The following SNX25 variants were observed in gnomAD, a reference collection of about 807,000 sequenced individuals.
SNX25 encodes the protein sorting nexin-25.
In SNX25, 62 loss-of-function variants were observed where a neutral mutation model predicts 113.7. The observed-to-expected ratio is 0.55, with a 90% CI of 0.44 to 0.67. The LOEUF (loss-of-function observed/expected upper bound fraction) is 0.67, where lower values mean the gene tolerates loss of function less well. Ranked by LOEUF, SNX25 falls within the 30% of genes least tolerant of loss-of-function variation. The probability of loss-of-function intolerance (pLI) is 0.00; values close to 1 mark genes in which losing one functional copy is unlikely to be tolerated. For synonymous variants in SNX25, 421 were observed against 436.2 expected, an observed-to-expected ratio of 0.97 and a Z score of 0.43; for missense variants, 1,014 against 1,161.0, an observed-to-expected ratio of 0.87 and a Z score of 1.84.
chr4:185,205,275 G>A (rs543406270), upstream of SNX25, among the ~76,000 whole-genome samples: 3 of 152,280 alleles, frequency 2.0e-5, no homozygotes, highest in Admixed American at 2.0e-4. Flanking sequence ...CTAATATGGT[G>A]AAACACTGTC....
chr4:185,377,857 T>C, the SNX25 span: 2 of 451,934 alleles, frequency 4.4e-6, no homozygotes, highest in Admixed American at 3.9e-5. Flanking sequence ...CCTTAAGTCC[T>C]GAGAGTAAAA....
chr4:185,260,444 T>A (rs547992255), intron 3 of SNX25, among the ~76,000 whole-genome samples: 1 of 152,272 alleles, frequency 6.6e-6, no homozygotes, highest in African/African-American at 2.4e-5. Context: ...TTATACCAGA[T>A]TGGAGCTTGA....
Position 185,210,050 on chromosome 4 carries a change from G to C in SNX25, c.224G>C (p.Gly75Ala). The C allele has an allele frequency of 1.2e-5, 12 of 984,044 alleles. No individual in the cohort carries two copies. The highest frequency in any genetic ancestry group is 1.4e-5 in the Non-Finnish European group (12 of 829,462). The allele number at this position is 984,044 out of a possible 1,614,324, so 61.0% of individuals were successfully genotyped here. ...ALAAVALSFL[G>A]PGSGEAAGAA... ...GCCGCCGTGGCCCTCTCCTTCCTGG[G>C]GCCCGGCAGCGGGGAGGCGGCGGGG... Residue 75 changes from glycine to alanine, a missense_variant, in exon 1 of 19, where the codon GGG becomes GCG. By Grantham distance (60) the Gly-to-Ala change is moderately conservative (BLOSUM62 0). Transcript: ENST00000652585. This position sits in a 1 kb window ranked among gnomAD's most constrained non-coding sequence, Gnocchi z 4.4.
intron 5 of SNX25, among the ~76,000 whole-genome samples, chr4:185,271,560 T>A (rs1748942687): frequency 6.6e-6 from 1 of 152,230 alleles, no homozygotes; most frequent in African/African-American, 2.4e-5. Context: ...GGAACTGTTT[T>A]CTTAATTCAT....
At chr4:185,291,112 T>TA (rs1362624070) in intron 6 of SNX25, among the ~76,000 whole-genome samples, 1 of 152,190 alleles carries the variant, frequency 6.6e-6, no homozygotes, top group Non-Finnish European at 1.5e-5. Flanking sequence ...TGACCTCTGT[T>TA]ACGTTCTAAA....
At chr4:185,246,638 C>T in intron 1 of SNX25, among the ~76,000 whole-genome samples, 1 of 152,132 alleles carries the variant, frequency 6.6e-6, no homozygotes, top group East Asian at 1.9e-4. Context: ...GTTACAGATA[C>T]TGTCTCCTAG....
intron 7 of SNX25, among the ~76,000 whole-genome samples, chr4:185,311,720 G>T (rs945433175): frequency 6.6e-6 from 1 of 152,074 alleles, no homozygotes; most frequent in African/African-American, 2.4e-5. Context: ...TTAGCTCTCG[G>T]TTCTACTTCA....
At chr4:185,346,856 C>T (rs1180171795) in intron 13 of SNX25, among the ~76,000 whole-genome samples, 1 of 152,128 alleles carries the variant, frequency 6.6e-6, no homozygotes, top group Admixed American at 6.5e-5. Flanking sequence ...GTTTCACAAA[C>T]TGAACACACC....
chr4:185,207,668 A>AT (rs1737246093), upstream of SNX25: 1 of 152,208 alleles, frequency 6.6e-6, no homozygotes, highest in Admixed American at 6.5e-5. Context: ...GCTGGACCAC[A>AT]TGGAGTAACA....
At chr4:185,314,733 C>T (rs1579749515) in intron 7 of SNX25, among the ~76,000 whole-genome samples, 1 of 151,254 alleles carries the variant, frequency 6.6e-6, no homozygotes, top group East Asian at 2.0e-4. Flanking sequence ...TGGTGGGCAC[C>T]TATAATCCCA....
At chr4:185,256,006 A>C (rs1746359311) in intron 2 of SNX25, among the ~76,000 whole-genome samples, 1 of 152,192 alleles carries the variant, frequency 6.6e-6, no homozygotes, top group South Asian at 2.1e-4. Flanking sequence ...AAACATAACA[A>C]CCATAGGTTC....
intron 8 of SNX25, among the ~76,000 whole-genome samples, chr4:185,322,059 T>A (rs1206609660): frequency 6.6e-6 from 1 of 152,224 alleles, no homozygotes; most frequent in East Asian, 1.9e-4. Flanking sequence ...TGTATGTATA[T>A]GTCTGTAAAT....
chr4:185,344,599 A>G (rs1242728715), intron 12 of SNX25, among the ~76,000 whole-genome samples: 2 of 152,310 alleles, frequency 1.3e-5, no homozygotes, highest in Middle Eastern at 3.4e-3. Context: ...GAAAGGAAAC[A>G]CATACGCAGC....
At chr4:185,259,253 C>T (rs1262535065) in intron 3 of SNX25, among the ~76,000 whole-genome samples, 189 bp downstream of exon 3, 1 of 151,488 alleles carries the variant, frequency 6.6e-6, no homozygotes, top group Non-Finnish European at 1.5e-5. Flanking sequence ...TGCTGGAAAA[C>T]CACTTTATAA....
intron 6 of SNX25, among the ~76,000 whole-genome samples, chr4:185,302,000 A>G (rs943628443): frequency 5.3e-5 from 8 of 151,776 alleles, no homozygotes; most frequent in African/African-American, 1.9e-4. Context: ...CCTGGGTTCC[A>G]GTGATTCTCC....
chr4:185,210,911 A>C lies in SNX25; in HGVS notation c.429+656A>C, dbSNP rs998239508. 6.6e-6 allele frequency among the ~76,000 whole-genome samples: 1 copy of C among 152,052 alleles called. No individual in the cohort carries two copies. The highest frequency in any genetic ancestry group is 1.9e-4 in the East Asian group (1 of 5,190). On this transcript the variant is annotated intron_variant, in intron 1 of 18. Transcript: ENST00000652585. The surrounding 1 kb of genome is among the most constrained non-coding windows in gnomAD (Gnocchi z 4.4). The stretch of plus-strand genomic sequence containing the variant: ...TGGGACACTAGGGCGGGGGTTAGGG[A>C]ATGTAGGAAAGAACAGTGTTTTAAA...
intron 1 of SNX25, among the ~76,000 whole-genome samples, chr4:185,228,794 G>C (rs866930382): frequency 5.3e-5 from 8 of 152,314 alleles, no homozygotes; most frequent in Admixed American, 6.5e-5. Flanking sequence ...CCCTCATTGT[G>C]AACCAAGCAT....
At chr4:185,234,270 G>A (rs940520113) in intron 1 of SNX25, among the ~76,000 whole-genome samples, 3 of 152,142 alleles carry the variant, frequency 2.0e-5, no homozygotes, top group Admixed American at 6.6e-5. Flanking sequence ...TTATTCACCA[G>A]GAAACATTAC....
At chr4:185,279,897 T>G (rs927703712) in intron 5 of SNX25, among the ~76,000 whole-genome samples, 1 of 151,576 alleles carries the variant, frequency 6.6e-6, no homozygotes, top group Non-Finnish European at 1.5e-5. Flanking sequence ...TGTTTTGTTG[T>G]TTTTTTTGTT....
Sources: gnomAD v4.1 joint callset for allele counts (sites outside exome capture counted in the v4.1 genomes callset) on GRCh38, gnomAD v4.1.1 for gene constraint, Gnocchi (gnomAD v3.1) non-coding constraint, MANE v1.5 for transcripts, NCBI Gene and HGNC (gene_info 2026-07-23, HGNC 2026-07-21) for gene names.